Variants in STK3 observed in about 807,000 individuals in gnomAD.
STK3 encodes the protein serine/threonine-protein kinase 3.
Under a neutral mutation model 58.0 loss-of-function variants are expected in STK3, and 41 were observed. That is an observed-to-expected ratio of 0.71 (90% CI 0.55 to 0.92). STK3 has a LOEUF of 0.92. Ranked by LOEUF, STK3 falls within the 40% of genes least tolerant of loss-of-function variation. STK3 has a pLI of 0.00. For synonymous variants in STK3, 170 were observed against 191.0 expected (o/e 0.89, Z 0.91); for missense variants, 479 against 602.7 (o/e 0.79, Z 2.15).
At chr8:98,656,349 G>T (rs1821521497) in intron 6 of STK3, among the ~76,000 whole-genome samples, 2 of 151,980 alleles carry the variant, frequency 1.3e-5, no homozygotes, top group South Asian at 4.2e-4. Flanking sequence ...GTGGGAGGTG[G>T]GGGGAGGGAT....
chr8:98,856,978 C>T (rs1283599148), intron 3 of STK3, among the ~76,000 whole-genome samples: 2 of 152,000 alleles, frequency 1.3e-5, no homozygotes, highest in South Asian at 2.1e-4. Flanking sequence ...CCATAGGATT[C>T]CATTTATATA....
intron 1 of STK3, chr8:98,904,789 G>A: frequency 1.5e-6 from 1 of 670,294 alleles, no homozygotes; most frequent in Non-Finnish European, 2.8e-6. Context: ...GTGGTGGCCG[G>A]AGCGGCAGCC....
chr8:98,706,011 T>G (rs1056251499), intron 6 of STK3, among the ~76,000 whole-genome samples: 1 of 151,586 alleles, frequency 6.6e-6, no homozygotes, highest in Non-Finnish European at 1.5e-5. Context: ...ATATTAGAAA[T>G]TAGGATTGCT....
chr8:98,540,186 G>A (rs1260186361), intron 9 of STK3, among the ~76,000 whole-genome samples: 1 of 152,206 alleles, frequency 6.6e-6, no homozygotes, highest in Non-Finnish European at 1.5e-5. Flanking sequence ...TACTCCAGGT[G>A]AGTTCTGGCT....
chr8:98,554,505 T>A (rs1206071043), intron 8 of STK3, among the ~76,000 whole-genome samples: 1 of 152,138 alleles, frequency 6.6e-6, no homozygotes, highest in Non-Finnish European at 1.5e-5. Flanking sequence ...TTCACACAAT[T>A]GGCTTAGATA....
At chr8:98,442,254 C>G (rs982782954) in intron 1 of STK3, among the ~76,000 whole-genome samples, 2 of 152,224 alleles carry the variant, frequency 1.3e-5, no homozygotes, top group Non-Finnish European at 2.9e-5. Context: ...AAAAGCCTTC[C>G]CCTCTCCAAT....
chr8:98,746,595 A>C (rs1413477075), intron 4 of STK3, among the ~76,000 whole-genome samples: 1 of 152,184 alleles, frequency 6.6e-6, no homozygotes, highest in Non-Finnish European at 1.5e-5. Flanking sequence ...CCTGAGTGAC[A>C]GAGCAAGACC....
intron 4 of STK3, among the ~76,000 whole-genome samples, chr8:98,732,272 T>G (rs1355267216): frequency 6.6e-6 from 1 of 152,126 alleles, no homozygotes; most frequent in Non-Finnish European, 1.5e-5. Flanking sequence ...TAAAAGGAAC[T>G]ACTGAATGCT....
chr8:98,714,130 C>T (rs957448946), intron 4 of STK3, among the ~76,000 whole-genome samples: 2 of 152,166 alleles, frequency 1.3e-5, no homozygotes, highest in Non-Finnish European at 2.9e-5. Flanking sequence ...GGATGTATCT[C>T]AAAATAATAG....
chr8:98,474,951 A>G (rs1189934299), intron 10 of STK3, among the ~76,000 whole-genome samples: 1 of 152,180 alleles, frequency 6.6e-6, no homozygotes, highest in Non-Finnish European at 1.5e-5. Flanking sequence ...ACCCATTAAT[A>G]TTGCTTTAAG....
At chr8:98,346,064 T>G in the STK3 span, among the ~76,000 whole-genome samples, 1 of 152,062 alleles carries the variant, frequency 6.6e-6, no homozygotes, top group African/African-American at 2.4e-5. Context: ...GGTGGGCTAA[T>G]CACCTGAGGT....
intron 10 of STK3, among the ~76,000 whole-genome samples, chr8:98,498,645 A>G (rs1461368583): frequency 6.6e-6 from 1 of 152,222 alleles, no homozygotes; most frequent in Admixed American, 6.5e-5. Flanking sequence ...TAAATATCCA[A>G]TAGTAAATTA....
intron 10 of STK3, among the ~76,000 whole-genome samples, chr8:98,470,045 C>T (rs1369504744): frequency 6.6e-6 from 1 of 152,198 alleles, no homozygotes; most frequent in African/African-American, 2.4e-5. Context: ...GTACCTGGTA[C>T]TAACAGATCC....
chr8:98,674,767 G>GT (rs1823076949), intron 6 of STK3, among the ~76,000 whole-genome samples: 1 of 152,050 alleles, frequency 6.6e-6, no homozygotes, highest in South Asian at 2.1e-4. Flanking sequence ...AGAATAATTC[G>GT]TATCTTCCGT....
At chr8:98,756,315 A>C (rs898613688) in intron 3 of STK3, among the ~76,000 whole-genome samples, 3 of 152,230 alleles carry the variant, frequency 2.0e-5, no homozygotes, top group Non-Finnish European at 4.4e-5. Context: ...CTAAGCACTA[A>C]GAACTGCCCT....
intron 1 of STK3, among the ~76,000 whole-genome samples, chr8:98,923,866 C>CGT (rs1564107662): frequency 7.6e-6 from 1 of 131,702 alleles, no homozygotes; most frequent in African/African-American, 2.9e-5. Flanking sequence ...CGCGCGCGCG[C>CGT]GCGCGCGCGC....
chr8:98,451,597 G>A (rs1819201946), downstream of STK3, among the ~76,000 whole-genome samples: 1 of 152,194 alleles, frequency 6.6e-6, no homozygotes, highest in African/African-American at 2.4e-5. Flanking sequence ...AGAGCATGAA[G>A]TAGGAATTGT....
intron 1 of STK3, among the ~76,000 whole-genome samples, chr8:98,384,960 C>A (rs951053133): frequency 6.6e-6 from 1 of 152,182 alleles, no homozygotes; most frequent in Non-Finnish European, 1.5e-5. Flanking sequence ...TGAGTCCCTC[C>A]TCCACATTCC....
intron 6 of STK3, among the ~76,000 whole-genome samples, chr8:98,649,074 C>T (rs1820655027): frequency 6.7e-6 from 1 of 149,394 alleles, no homozygotes; most frequent in Admixed American, 6.7e-5. Context: ...AAAAAAAAAA[C>T]TCAATGTTAC....
Sources: gnomAD v4.1 joint callset for allele counts (sites outside exome capture counted in the v4.1 genomes callset) on GRCh38, gnomAD v4.1.1 for gene constraint, MANE v1.5 for transcripts, NCBI Gene and HGNC (gene_info 2026-07-23, HGNC 2026-07-21) for gene names.